The following CFAP299 variants were observed in gnomAD, a reference collection of about 807,000 sequenced individuals.
CFAP299 encodes cilia and flagella associated protein 299.
Under a neutral mutation model 27.0 loss-of-function variants are expected in CFAP299, and 21 were observed. The ratio of observed to expected loss-of-function variants is 0.78; its 90% CI spans 0.55 to 1.12. CFAP299 has a LOEUF of 1.12. Among genes scored for constraint, CFAP299 ranks in the 50% most tolerant of loss-of-function variants. The pLI, the probability that CFAP299 is intolerant of heterozygous loss-of-function variation, is 0.00. For missense variants in CFAP299, 310 were observed against 276.6 expected, an observed-to-expected ratio of 1.12 and a Z score of -0.86; for synonymous variants, 104 against 98.1, an observed-to-expected ratio of 1.06 and a Z score of -0.36.
chr4:80,574,235 T>C (rs1485568931), intron 2 of CFAP299, among the ~76,000 whole-genome samples: 5 of 152,248 alleles, frequency 3.3e-5, no homozygotes, highest in Middle Eastern at 3.4e-3. Flanking sequence ...GGATTAATTT[T>C]TTATTTCTTT....
intron 5 of CFAP299, among the ~76,000 whole-genome samples, chr4:80,956,504 C>G (rs916921313): frequency 6.6e-6 from 1 of 152,122 alleles, no homozygotes; most frequent in Non-Finnish European, 1.5e-5. Flanking sequence ...CAATCATAAA[C>G]TCACTGTAGC....
intron 3 of CFAP299, among the ~76,000 whole-genome samples, chr4:80,813,518 C>T (rs1729267756): frequency 6.6e-6 from 1 of 151,832 alleles, no homozygotes; most frequent in Non-Finnish European, 1.5e-5. Context: ...TTCTGTTGAT[C>T]CTAATATAAT....
intron 3 of CFAP299, among the ~76,000 whole-genome samples, chr4:80,641,932 C>T (rs1347045050): frequency 6.6e-6 from 1 of 152,174 alleles, no homozygotes; most frequent in African/African-American, 2.4e-5. Context: ...AAAGATAAAT[C>T]TGTAAAATCG....
chr4:80,925,651 G>A (rs1256188866), intron 4 of CFAP299, among the ~76,000 whole-genome samples: 1 of 151,898 alleles, frequency 6.6e-6, no homozygotes, highest in African/African-American at 2.4e-5. Flanking sequence ...GTCTAAAAAT[G>A]TCCTGACCTC....
intron 3 of CFAP299, among the ~76,000 whole-genome samples, chr4:80,652,994 A>C (rs1740385318): frequency 6.6e-6 from 1 of 152,164 alleles, no homozygotes; most frequent in Admixed American, 6.6e-5. Context: ...TAATAAAAGA[A>C]GTAGAGTCCC....
chr4:80,713,060 A>G (rs1407869887), intron 3 of CFAP299, among the ~76,000 whole-genome samples: 1 of 152,130 alleles, frequency 6.6e-6, no homozygotes, highest in Admixed American at 6.6e-5. Flanking sequence ...AGATGATGTA[A>G]AAACTAACCA....
chr4:80,798,787 T>A (rs1334914898), intron 3 of CFAP299, among the ~76,000 whole-genome samples: 1 of 151,970 alleles, frequency 6.6e-6, no homozygotes, highest in African/African-American at 2.4e-5. Flanking sequence ...TCACACATAA[T>A]CAAACGTTTT....
At chr4:80,551,687 T>C (rs1578587098) in intron 2 of CFAP299, among the ~76,000 whole-genome samples, 2 of 152,230 alleles carry the variant, frequency 1.3e-5, no homozygotes, top group Admixed American at 6.5e-5. Flanking sequence ...GGAGCTGAGA[T>C]TTCTTCATAT....
At chr4:80,716,764 A>T (rs543374432) in intron 3 of CFAP299, among the ~76,000 whole-genome samples, 2 of 152,220 alleles carry the variant, frequency 1.3e-5, no homozygotes, top group Admixed American at 1.3e-4. Flanking sequence ...TTGAATCTGA[A>T]TATGTATATA....
chr4:80,869,940 T>C (rs1031153129), intron 3 of CFAP299, 53 bp from the exon 4 acceptor site: 3 of 1,524,270 alleles, frequency 2.0e-6, no homozygotes, highest in Non-Finnish European at 1.8e-6. Flanking sequence ...TGGCATTCCA[T>C]AATAAATCAG....
chr4:80,873,099 T>A lies in CFAP299; in HGVS notation c.476+2964T>A. 1.1e-4 allele frequency: 80 copies of A among 759,462 alleles called. 1 individual carries two copies. Among genetic ancestry groups the A allele is most frequent in the Non-Finnish European group, 1.3e-4 (79 of 624,220 alleles). The allele number at this position is 759,462 out of a possible 1,614,324, so 47.0% of individuals were successfully genotyped here. A position where few individuals can be genotyped will look rare whatever the true frequency, so the allele number is the denominator to read the frequency against. On this transcript the variant is annotated intron_variant, in intron 4 of 5. Coordinates refer to ENST00000358105, the MANE Select transcript of CFAP299 (RefSeq NM_152770.3). ...GATATTATAGTTTTGCTTTTGATTT[T>A]ATATCTTTAACTGCCCAGTATTAAT...
At chr4:80,454,849 G>C (rs547846852) in intron 2 of CFAP299, among the ~76,000 whole-genome samples, 2 of 152,252 alleles carry the variant, frequency 1.3e-5, no homozygotes, top group South Asian at 4.1e-4. Flanking sequence ...GGGTTTTTAA[G>C]GATAACATGG....
rs533902946 is a variant in CFAP299 at position 80,473,578 on chromosome 4, A to AT, written c.243-109505dup. ...GCTCAGCCTTATTAAAAAAAAATAGATTTTTTTTTTGAGACAGGATCTCAC... is the reference window on the plus strand; with the variant it reads ...GCTCAGCCTTATTAAAAAAAAATAGATTTTTTTTTTTGAGACAGGATCTCAC... On this transcript the variant is annotated intron_variant, in intron 2 of 5. Transcript: ENST00000358105. Among the ~76,000 whole-genome samples the AT allele has an allele frequency of 3.2e-3, 476 of 149,548 alleles. 3 individuals carry two copies. Among genetic ancestry groups the AT allele is most frequent in the Middle Eastern group, 0.031 (9 of 290 alleles).
At chr4:80,395,096 A>C (rs1306368043) in intron 2 of CFAP299, among the ~76,000 whole-genome samples, 3 of 151,920 alleles carry the variant, frequency 2.0e-5, no homozygotes, top group Non-Finnish European at 4.4e-5. Context: ...AAATGTTTTC[A>C]TCAGTTTTAT....
intron 1 of CFAP299, among the ~76,000 whole-genome samples, chr4:80,360,006 T>C (rs952528800): frequency 6.6e-6 from 1 of 152,192 alleles, no homozygotes; most frequent in Non-Finnish European, 1.5e-5. Context: ...TTTATTTTTC[T>C]TTTATCCTAT....
chr4:80,942,263 G>C (rs1299588403), intron 4 of CFAP299, among the ~76,000 whole-genome samples: 1 of 152,176 alleles, frequency 6.6e-6, no homozygotes, highest in Non-Finnish European at 1.5e-5. Flanking sequence ...GTCACAACCA[G>C]TAGTACGTGG....
intron 2 of CFAP299, among the ~76,000 whole-genome samples, chr4:80,422,929 C>G (rs1361481090): frequency 6.6e-6 from 1 of 152,158 alleles, no homozygotes; most frequent in Non-Finnish European, 1.5e-5. Context: ...CTAGGCACAC[C>G]TAGGCTATAT....
chr4:80,372,260 A>G (rs1724182131), intron 2 of CFAP299, among the ~76,000 whole-genome samples: 1 of 152,242 alleles, frequency 6.6e-6, no homozygotes. Flanking sequence ...CAAGGACAGT[A>G]CTATGGGGAA....
At position 80,708,312 on chromosome 4, in the gene CFAP299, C is replaced by T. The variant is rs185917348; in HGVS notation, c.333+125129C>T. Among the ~76,000 whole-genome samples the T allele has an allele frequency of 2.4e-3, 365 of 152,032 alleles. 1 individual carries two copies. Among genetic ancestry groups the T allele is most frequent in the African/African-American group, 8.4e-3 (347 of 41,526 alleles). ...ACATCTTTGTTTCTTTGCAGACCAC[C>T]TAGATAAGAGTTTAATCCTAGTAAG... On this transcript the variant is annotated intron_variant, in intron 3 of 5. Coordinates refer to ENST00000358105, the MANE Select transcript of CFAP299 (RefSeq NM_152770.3).
Sources: gnomAD v4.1 joint callset for allele counts (sites outside exome capture counted in the v4.1 genomes callset) on GRCh38, gnomAD v4.1.1 for gene constraint, MANE v1.5 for transcripts, NCBI Gene and HGNC (gene_info 2026-07-23, HGNC 2026-07-21) for gene names.